GPATCH1: variants seen among roughly 807,000 people sequenced by gnomAD.
GPATCH1 encodes the protein G-patch domain containing 1, also known as G patch domain-containing protein 1.
GPATCH1 carries 73 observed loss-of-function variants against 114.9 expected under a neutral mutation model. That is an observed-to-expected ratio of 0.64 (90% CI 0.53 to 0.77). The LOEUF (loss-of-function observed/expected upper bound fraction) is 0.77, where lower values mean the gene tolerates loss of function less well. Among genes scored for constraint, GPATCH1 ranks in the 30% least tolerant of loss-of-function variants. GPATCH1 has a pLI of 0.00. For synonymous variants in GPATCH1, 391 were observed against 428.4 expected (o/e 0.91, Z 1.08); for missense variants, 1,058 against 1,144.3 (o/e 0.92, Z 1.09).
intron 5 of GPATCH1, 53 bp from the exon 6 acceptor site, chr19:33,095,709 G>T: frequency 7.8e-7 from 1 of 1,275,746 alleles, no homozygotes; most frequent in Non-Finnish European, 1.1e-6. Context: ...GCCTGGTCGG[G>T]GTTTTCTATT....
chr19:33,114,989 G>A (rs562690286), intron 15 of GPATCH1, among the ~76,000 whole-genome samples: 6 of 147,526 alleles, frequency 4.1e-5, no homozygotes, highest in African/African-American at 1.5e-4. Flanking sequence ...TGTATGTTTA[G>A]TAGAGATGGG....
chr19:33,091,413 CAAAAAAA>C (rs1184888892), intron 3 of GPATCH1, among the ~76,000 whole-genome samples: 8 of 44,954 alleles, frequency 1.8e-4, no homozygotes, highest in South Asian at 7.2e-4. Flanking sequence ...GACTCCGTCT[CAAAAAAA>C]AAAAAAAAAA....
At chr19:33,098,944 T>C (rs909817981) in intron 8 of GPATCH1, among the ~76,000 whole-genome samples, 2 of 151,478 alleles carry the variant, frequency 1.3e-5, no homozygotes, top group Non-Finnish European at 2.9e-5. Context: ...TTCCCCTGAG[T>C]CATTTAGCTT....
intron 15 of GPATCH1, 110 bp from the exon 16 acceptor site, chr19:33,117,715 T>C (rs1215822044): frequency 1.1e-5 from 8 of 753,982 alleles, no homozygotes; most frequent in African/African-American, 3.4e-5. Flanking sequence ...TGGATACCCA[T>C]GTACATGAGC....
chr19:33,112,748 C>A, intron 13 of GPATCH1, 135 bp downstream of exon 13: 1 of 583,312 alleles, frequency 1.7e-6, no homozygotes, highest in Non-Finnish European at 2.8e-6. Context: ...TACAAATCTA[C>A]ACATTTTATA....
intron 19 of GPATCH1, among the ~76,000 whole-genome samples, chr19:33,129,242 C>CAA (rs1005312700): frequency 1.7e-5 from 2 of 120,236 alleles, no homozygotes; most frequent in Non-Finnish European, 1.8e-5. Flanking sequence ...GACTCTGTCT[C>CAA]AAAAAAAAAA....
intron 8 of GPATCH1, 129 bp from the exon 9 acceptor site, chr19:33,101,366 C>T: frequency 1.6e-6 from 1 of 636,562 alleles, no homozygotes; most frequent in South Asian, 1.9e-5. Context: ...TTTACTGCTG[C>T]TGTTGAGTGA....
At chr19:33,082,679 A>G (rs571502325) in intron 1 of GPATCH1, among the ~76,000 whole-genome samples, 37 of 151,984 alleles carry the variant, frequency 2.4e-4, no homozygotes, top group Non-Finnish European at 4.1e-4. Context: ...CTCTGTCTGT[A>G]ACAAACAAAC....
intron 6 of GPATCH1, 132 bp downstream of exon 6, chr19:33,095,952 C>A: frequency 1.3e-6 from 1 of 785,632 alleles, no homozygotes; most frequent in South Asian, 1.5e-5. Context: ...TACCCTAAAG[C>A]TATCCTCATT....
At chr19:33,083,812 C>T (rs1249080695) in intron 1 of GPATCH1, among the ~76,000 whole-genome samples, 2 of 152,022 alleles carry the variant, frequency 1.3e-5, no homozygotes, top group Non-Finnish European at 2.9e-5. Flanking sequence ...GATTCATTGT[C>T]TTCTAAGCAC....
At chr19:33,091,015 C>T (rs1407769569) in intron 3 of GPATCH1, 150 bp downstream of exon 3, 3 of 617,970 alleles carry the variant, frequency 4.9e-6, no homozygotes, top group South Asian at 1.9e-5. Flanking sequence ...GTGCAGTGTC[C>T]TGTACATCAG....
intron 12 of GPATCH1, 79 bp from the exon 13 acceptor site, chr19:33,112,407 G>T: frequency 6.5e-6 from 10 of 1,530,910 alleles, no homozygotes; most frequent in Non-Finnish European, 9.0e-6. Context: ...CTAGAAGATT[G>T]CTTGAAAATT....
intron 12 of GPATCH1, 131 bp downstream of exon 12, chr19:33,112,033 T>C (rs1972861491): frequency 1.6e-6 from 1 of 644,956 alleles, no homozygotes; most frequent in Admixed American, 3.0e-5. Context: ...TGGTGTGATC[T>C]CGGCTCACTG....
At chr19:33,124,713 G>T (rs1025332829) in intron 17 of GPATCH1, among the ~76,000 whole-genome samples, 2 of 152,142 alleles carry the variant, frequency 1.3e-5, no homozygotes, top group South Asian at 4.1e-4. Context: ...GAGGTTAGGC[G>T]ACGTGTCGAA....
chr19:33,111,730 TG>T lies in GPATCH1; in HGVS notation c.1594del (p.Glu532AsnfsTer8). The T allele has an allele frequency of 6.2e-7, 1 of 1,613,892 alleles. No homozygotes were observed. Among genetic ancestry groups the T allele is most frequent in the Non-Finnish European group, 8.5e-7 (1 of 1,179,994 alleles). ...VHMKQGQKDA[L>X]ERCLDPSMTE... ...TTGTTCTCTGCCCCCGCAGATGCTC[TG>T]GAACGCTGTCTGGACCCCAGCATGA... On this transcript the variant is annotated frameshift_variant, in exon 12 of 20. Coordinates refer to ENST00000170564, the MANE Select transcript of GPATCH1 (RefSeq NM_018025.3). LOFTEE classifies it high-confidence loss of function.
intron 15 of GPATCH1, among the ~76,000 whole-genome samples, chr19:33,114,797 C>CTTTTTTTTTTTTTTTT (rs546074419): frequency 1.1e-5 from 1 of 87,168 alleles, no homozygotes; most frequent in Non-Finnish European, 2.1e-5. Flanking sequence ...CTATTTCTCT[C>CTTTTTTTTTTTTTTTT]TTTTTTTTTT....
intron 18 of GPATCH1, 25 bp downstream of exon 18, chr19:33,125,227 G>A (rs145514703): frequency 1.9e-6 from 3 of 1,575,516 alleles, no homozygotes; most frequent in Non-Finnish European, 2.6e-6. Flanking sequence ...TGTACCCCAG[G>A]ATCAGTGTGG....
At chr19:33,102,553 C>T (rs946638683) in intron 9 of GPATCH1, among the ~76,000 whole-genome samples, 38 of 151,794 alleles carry the variant, frequency 2.5e-4, no homozygotes, top group Admixed American at 2.0e-3. Context: ...TGCACCACCA[C>T]GGCTGGCTAA....
rs148710327 is a variant in GPATCH1 at position 33,093,407 on chromosome 19, G to T, written c.343G>T (p.Asp115Tyr). ...IAPKAIVTTD[D>Y]FASKTKDRIR... ...ACCTAAAGCGATTGTCACCACAGAC[G>T]ATTTTGCCTCCAAAACCAAAGACAG... The change falls in exon 4 of 20, where the codon GAT becomes TAT. Residue 115 changes from aspartate to tyrosine, a missense_variant. Physicochemically the swap from Asp to Tyr is radical, Grantham distance 160 (BLOSUM62 -3). This residue lies in a region of GPATCH1 where 34 missense variants were observed against 59.6 expected (regional missense o/e 0.57). Coordinates refer to ENST00000170564, the MANE Select transcript of GPATCH1 (RefSeq NM_018025.3). 6.2e-7 allele frequency: 1 copy of T among 1,613,540 alleles called. No homozygotes were observed. The highest frequency in any genetic ancestry group is 8.5e-7 in the Non-Finnish European group (1 of 1,179,544).
Sources: gnomAD v4.1 joint callset for allele counts (sites outside exome capture counted in the v4.1 genomes callset) on GRCh38, gnomAD v4.1.1 for gene constraint, gnomAD v4.1.1 regional missense constraint, MANE v1.5 for transcripts, NCBI Gene and HGNC (gene_info 2026-07-23, HGNC 2026-07-21) for gene names.